UBTF: variants seen among roughly 807,000 people sequenced by gnomAD.
The protein encoded by UBTF is upstream binding transcription factor, also known as nucleolar transcription factor 1.
UBTF carries 8 observed loss-of-function variants against 112.3 expected under a neutral mutation model. That is an observed-to-expected ratio of 0.07 (90% CI 0.04 to 0.13). The LOEUF (loss-of-function observed/expected upper bound fraction) is 0.13, where lower values mean the gene tolerates loss of function less well. UBTF is among the 10% of genes least tolerant of loss of function. The pLI is 1.00. For missense variants in UBTF, 457 were observed against 982.1 expected (o/e 0.47, Z 7.15); for synonymous variants, 417 against 373.1 (o/e 1.12, Z -1.36).
rs199707130 is a variant in UBTF at position 44,209,410 on chromosome 17, T to C, written c.1847A>G (p.Lys616Arg). ...CTTTTGCTGCTCCTCGGCCAGCTTT[T>C]TGTAGTGCTCCTTCTGGCTCTGGGA... ...RISQSQKEHY[K>R]KLAEEQQKQY... The change falls in exon 17 of 21, where the codon AAA (lysine) becomes AGA (arginine). Residue 616 changes from lysine (K) to arginine (R), a missense_variant. Transcript: ENST00000436088. The C allele has an allele frequency of 6.2e-7, 1 of 1,614,106 alleles. No homozygotes were observed. The highest frequency in any genetic ancestry group is 1.7e-5 in the Admixed American group (1 of 60,026).
chr17:44,209,990 C>T, intron 15 of UBTF, 134 bp downstream of exon 15: 6 of 971,502 alleles, frequency 6.2e-6, no homozygotes, highest in Non-Finnish European at 8.0e-6. Flanking sequence ...TGATGAGAGA[C>T]AGAGGTTCAG....
intron 7 of UBTF, 81 bp downstream of exon 7, chr17:44,212,738 C>A (rs1217452946): frequency 6.3e-7 from 1 of 1,582,196 alleles, no homozygotes; most frequent in Non-Finnish European, 8.6e-7. Context: ...CTCCCCTGCA[C>A]CGTGCCCGGC....
intron 13 of UBTF, 125 bp from the exon 14 acceptor site, chr17:44,210,598 G>A: frequency 7.2e-7 from 1 of 1,398,492 alleles, no homozygotes; most frequent in Non-Finnish European, 9.3e-7. Flanking sequence ...CTCCCGCCTG[G>A]GGCTCGCCCC....
At chr17:44,210,038 G>A (rs1290101309) in intron 15 of UBTF, 86 bp downstream of exon 15, 7 of 1,376,040 alleles carry the variant, frequency 5.1e-6, no homozygotes, top group Non-Finnish European at 7.2e-6. Context: ...CACAGACCAA[G>A]GCTGGGACTT....
At chr17:44,221,135 T>G (rs963838917), upstream of UBTF, 4 of 152,090 alleles carry the variant, frequency 2.6e-5, no homozygotes, top group Non-Finnish European at 5.9e-5. Context: ...TTCGTCTTTT[T>G]TTTTTCTTTT....
chr17:44,210,263 G>C, intron 14 of UBTF, 29 bp from the exon 15 acceptor site: 1 of 1,614,246 alleles, frequency 6.2e-7, no homozygotes, highest in Non-Finnish European at 8.5e-7. Flanking sequence ...ATCAGCCGTG[G>C]GAGGGGTCAC....
At chr17:44,210,528 C>A in intron 13 of UBTF, 55 bp from the exon 14 acceptor site, 1 of 1,499,100 alleles carries the variant, frequency 6.7e-7, no homozygotes, top group Middle Eastern at 2.4e-4. Flanking sequence ...GGCGCGCGCT[C>A]CCCGCGCAGC....
Position 44,219,532 on chromosome 17 carries a change from C to G in UBTF, c.-155G>C, listed in dbSNP as rs1171674101. On this transcript the variant is annotated 5_prime_UTR_variant, in exon 1 of 21. Coordinates refer to ENST00000436088, the MANE Select transcript of UBTF (RefSeq NM_014233.4). The stretch of plus-strand genomic sequence containing the variant: ...GCGCCCTCCCCCGCTCGGCCGGGCA[C>G]AGCCGCAGCTCCCTCCCGCGGCGGC... 6.5e-6 allele frequency: 1 copy of G among 153,396 alleles called. No homozygotes were observed. The highest frequency in any genetic ancestry group is 1.5e-5 in the Non-Finnish European group (1 of 68,880). The allele number at this position is 153,396 out of a possible 1,614,324, so 9.5% of individuals were successfully genotyped here. A position where few individuals can be genotyped will look rare whatever the true frequency, so the allele number is the denominator to read the frequency against.
At position 44,211,600 on chromosome 17, in the gene UBTF, G is replaced by C; in HGVS notation, c.1047+6C>G. 6.2e-7 allele frequency: 1 copy of C among 1,609,612 alleles called. No individual in the cohort carries two copies. The highest frequency in any genetic ancestry group is 8.5e-7 in the Non-Finnish European group (1 of 1,178,894). On this transcript the variant is annotated splice_donor_region_variant and intron_variant, in intron 10 of 20. Transcript: ENST00000436088. This position sits in a 1 kb window ranked among gnomAD's most constrained non-coding sequence, Gnocchi z 4.9. ...CCAAGGCAGGGTGGCCCCTGCCACA[G>C]CTCACCTGATCACACTTCTTGTGAT...
intron 5 of UBTF, among the ~76,000 whole-genome samples, chr17:44,214,877 C>G (rs775067634): frequency 3.9e-5 from 6 of 152,216 alleles, no homozygotes; most frequent in African/African-American, 2.4e-5. Flanking sequence ...TTTGTGTCCT[C>G]TGTCCCCATC....
Position 44,213,256 on chromosome 17 carries a change from T to C in UBTF, c.501A>G (p.Arg167=). ...GGTTTCGCTCGAACTCCTGTTTCTC[T>C]CTCTGGAAGTCCTGAATATATTTCA... The part of the protein sequence containing the change: ...KKMKYIQDFQ[R]EKQEFERNLA... The change falls in exon 6 of 21, where the codon AGA becomes AGG. Residue 167 remains arginine, a synonymous_variant. Coordinates refer to ENST00000436088, the MANE Select transcript of UBTF (RefSeq NM_014233.4). 6.2e-7 allele frequency: 1 copy of C among 1,613,824 alleles called. No homozygotes were observed. Among genetic ancestry groups the C allele is most frequent in the South Asian group, 1.1e-5 (1 of 91,044 alleles).
At chr17:44,208,254 C>A (rs1390787806) in intron 17 of UBTF, among the ~76,000 whole-genome samples, 2 of 152,034 alleles carry the variant, frequency 1.3e-5, no homozygotes, top group Non-Finnish European at 2.9e-5. Flanking sequence ...CAGGCATGTG[C>A]CACCACACCA....
upstream of UBTF, chr17:44,220,675 T>G (rs1289308017): frequency 1.3e-5 from 2 of 152,060 alleles, no homozygotes; most frequent in African/African-American, 4.8e-5. Flanking sequence ...CGCATGAAGA[T>G]CGGCGCCGCC....
intron 18 of UBTF, 45 bp from the exon 19 acceptor site, chr17:44,207,815 C>T (rs763780738): frequency 5.0e-6 from 8 of 1,614,146 alleles, no homozygotes; most frequent in Non-Finnish European, 6.8e-6. Flanking sequence ...GTTCGACACC[C>T]CTGAATTCCC....
intron 5 of UBTF, among the ~76,000 whole-genome samples, chr17:44,214,321 G>C (rs2046736051): frequency 6.6e-6 from 1 of 152,190 alleles, no homozygotes; most frequent in African/African-American, 2.4e-5. Context: ...AACAGTTTTA[G>C]ACCTGAAGGG....
At chr17:44,207,984 A>C in intron 17 of UBTF, 73 bp from the exon 18 acceptor site, 2 of 1,579,778 alleles carry the variant, frequency 1.3e-6, no homozygotes, top group Non-Finnish European at 1.7e-6. Flanking sequence ...GCCCAGTGCT[A>C]GGCAGTGGGC....
Position 44,207,096 on chromosome 17 carries a change from C to T in UBTF, c.*146G>A. 1 of 866,694 alleles carries T rather than the reference C, an allele frequency of 1.2e-6. No individual in the cohort carries two copies. Among genetic ancestry groups the T allele is most frequent in the Non-Finnish European group, 1.7e-6 (1 of 576,452 alleles). 53.7% of individuals were successfully genotyped at this position (866,694 alleles called of 1,614,324 possible). A position where few individuals can be genotyped will look rare whatever the true frequency, so the allele number is the denominator to read the frequency against. Reference sequence around the variant, plus strand: ...GGGCTCCTCCAGCCCCCTACCCCCACCGTATTTTTTTTTTTTTTTAAAGAA... The same window carrying T: ...GGGCTCCTCCAGCCCCCTACCCCCATCGTATTTTTTTTTTTTTTTAAAGAA... On this transcript the variant is annotated 3_prime_UTR_variant, in exon 21 of 21. Coordinates refer to ENST00000436088, the MANE Select transcript of UBTF (RefSeq NM_014233.4).
At chr17:44,212,747 G>A in intron 7 of UBTF, 72 bp downstream of exon 7, 1 of 1,589,956 alleles carries the variant, frequency 6.3e-7, no homozygotes. Context: ...ACCGTGCCCG[G>A]CCGACCTGGC....
At chr17:44,213,929 CCACT>C (rs1398101777) in intron 5 of UBTF, among the ~76,000 whole-genome samples, 3 of 152,080 alleles carry the variant, frequency 2.0e-5, no homozygotes, top group African/African-American at 2.4e-5. Context: ...CTCCCTCAGC[CCACT>C]CATTCTTTCC....
Sources: allele counts gnomAD v4.1 joint callset (sites outside exome capture counted in the v4.1 genomes callset), GRCh38; gene constraint gnomAD v4.1.1; non-coding constraint Gnocchi (gnomAD v3.1); transcripts MANE v1.5; gene names NCBI Gene and HGNC (gene_info 2026-07-23, HGNC 2026-07-21).